AMPD3: variants seen among roughly 807,000 people sequenced by gnomAD.
AMPD3 encodes AMP deaminase 3.
In AMPD3, 57 loss-of-function variants were observed where a neutral mutation model predicts 82.3. That is an observed-to-expected ratio of 0.69 (90% CI 0.56 to 0.86). The LOEUF (loss-of-function observed/expected upper bound fraction) is 0.86, where lower values mean the gene tolerates loss of function less well. AMPD3 is among the 40% of genes least tolerant of loss of function. AMPD3 has a pLI of 0.00. For synonymous variants in AMPD3, 381 were observed against 394.7 expected (o/e 0.97, Z 0.41); for missense variants, 870 against 1,003.8 (o/e 0.87, Z 1.80).
chr11:10,469,162 T>C (rs1018717999), intron 2 of AMPD3, among the ~76,000 whole-genome samples: 9 of 149,594 alleles, frequency 6.0e-5, no homozygotes, highest in African/African-American at 2.2e-4. Flanking sequence ...CCGAAGGAGA[T>C]AGAGACATGA....
At chr11:10,455,098 G>A (rs1848054394), upstream of AMPD3, 1 of 978,850 alleles carries the variant, frequency 1.0e-6, no homozygotes, top group South Asian at 4.7e-5. Flanking sequence ...CCCAAGTCAG[G>A]GTTACAGCTA....
chr11:10,472,574 T>C (rs545008093), intron 2 of AMPD3, among the ~76,000 whole-genome samples: 61 of 152,354 alleles, frequency 4.0e-4, no homozygotes, highest in African/African-American at 1.5e-3. Context: ...GAATTGAGCA[T>C]AGCACAGCTA....
rs760919637 is a variant in AMPD3, at chr11:10,477,006, G to A, written c.222-1520G>A. 12 of 985,472 alleles carry A rather than the reference G, an allele frequency of 1.2e-5. No individual in the cohort carries two copies. In the South Asian group the frequency reaches 5.2e-4, roughly 42 times the overall value. The allele number at this position is 985,472 out of a possible 1,614,324, so 61.0% of individuals were successfully genotyped here. On this transcript the variant is annotated intron_variant, in intron 2 of 14. Coordinates refer to ENST00000396553, the MANE Select transcript of AMPD3 (RefSeq NM_001025389.2). ...CAGGTTAAAATAGCCTTGTCCCAAA[G>A]ATGTGATAACACAGGGTAGGCAGGT...
rs910400453 is a variant in AMPD3 at position 10,497,032 on chromosome 11, G to A, written c.1557+94G>A. 2.0e-5 allele frequency: 30 copies of A among 1,502,782 alleles called. No homozygotes were observed. The Middle Eastern group carries it at 5.1e-4, about 26-fold the overall frequency. The allele number at this position is 1,502,782 out of a possible 1,614,324, so 93.1% of individuals were successfully genotyped here. ...GGTCAGGCTTGCTCCTGCCCTTCAC[G>A]ATGGTATCTTAGGTCCTGCCACCTG... On this transcript the variant is annotated intron_variant, in intron 10 of 14. Transcript: ENST00000396553.
intron 11 of AMPD3, chr11:10,500,772 A>G: frequency 1.0e-6 from 1 of 985,470 alleles, no homozygotes; most frequent in Non-Finnish European, 1.2e-6. Context: ...GCATGCCCTT[A>G]CAGGCAGAGG....
At chr11:10,458,485 C>T (rs1052785906) in intron 1 of AMPD3, among the ~76,000 whole-genome samples, 1 of 151,992 alleles carries the variant, frequency 6.6e-6, no homozygotes, top group African/African-American at 2.4e-5. Context: ...ATAAAATATC[C>T]TCTCACACAC....
rs747255749 is a variant in AMPD3 at position 10,501,476 on chromosome 11, CG to C, written c.1730del (p.Gly577AlafsTer2). On this transcript the variant is annotated frameshift_variant, in exon 12 of 15. Coordinates refer to ENST00000396553, the MANE Select transcript of AMPD3 (RefSeq NM_001025389.2). LOFTEE classifies it high-confidence loss of function. ...GAAACCCCTTCTCTTACAGGGAGCG[CG>C]GCCTGAGCACGTTCCTGTTCCGGCC... is the stretch of plus-strand genomic sequence containing the variant. Reference protein sequence around the residue: ...MVLNNLRRERGLSTFLFRPHC... With the variant: ...MVLNNLRRERXLSTFLFRPHC... 9 of 1,613,890 alleles carry C rather than the reference CG, an allele frequency of 5.6e-6. No individual in the cohort carries two copies. In the Admixed American group the frequency reaches 8.3e-5, roughly 15 times the overall value.
chr11:10,471,838 C>T (rs941591785), intron 2 of AMPD3, among the ~76,000 whole-genome samples: 2 of 152,218 alleles, frequency 1.3e-5, no homozygotes, highest in Non-Finnish European at 2.9e-5. Flanking sequence ...AATGCTTTTA[C>T]ACTGTTGGTG....
intron 2 of AMPD3, among the ~76,000 whole-genome samples, chr11:10,471,314 T>C (rs1455663654): frequency 2.6e-5 from 4 of 152,164 alleles, no homozygotes; most frequent in Non-Finnish European, 5.9e-5. Context: ...TAACTCAAGA[T>C]GGATTAAAGA....
At chr11:10,467,342 A>G (rs1320216559) in intron 2 of AMPD3, among the ~76,000 whole-genome samples, 3 of 152,244 alleles carry the variant, frequency 2.0e-5, no homozygotes, top group Non-Finnish European at 4.4e-5. Context: ...TGGAGCAGAA[A>G]AACACAGCAC....
intron 2 of AMPD3, chr11:10,473,716 T>G (rs1384975861): frequency 1.6e-6 from 1 of 613,226 alleles, no homozygotes; most frequent in Non-Finnish European, 2.0e-6. Flanking sequence ...GGCTGGGACC[T>G]CTGGTCTCAA....
At chr11:10,500,837 G>A in intron 11 of AMPD3, 1 of 985,414 alleles carries the variant, frequency 1.0e-6, no homozygotes, top group Non-Finnish European at 1.2e-6. Flanking sequence ...TAGCTGCCCA[G>A]GGCAGCAGGA....
rs1237350656 is a variant in AMPD3 at position 10,502,909 on chromosome 11, G to T, written c.2016+15G>T. The T allele has an allele frequency of 1.9e-6, 3 of 1,613,674 alleles. No individual in the cohort carries two copies. Among genetic ancestry groups the T allele is most frequent in the Middle Eastern group, 1.6e-4 (1 of 6,076 alleles). On this transcript the variant is annotated intron_variant, in intron 13 of 14. Coordinates refer to ENST00000396553, the MANE Select transcript of AMPD3 (RefSeq NM_001025389.2). ...ACTACACGAAGGTAAGGACTTTGGG[G>T]TGAGGACAGTAGTGCTTCAGTAGGC...
intron 6 of AMPD3, chr11:10,488,083 A>C (rs1849128911): frequency 2.8e-6 from 1 of 361,664 alleles, no homozygotes; most frequent in South Asian, 1.1e-4. Context: ...GGATTTAAAG[A>C]AAAGCCTCTG....
rs201661559 is a variant in AMPD3 at position 10,461,437 on chromosome 11, C to T, written c.-5-78C>T. On this transcript the variant is annotated intron_variant, in intron 1 of 14. Coordinates refer to ENST00000396553, the MANE Select transcript of AMPD3 (RefSeq NM_001025389.2). ...CCCCAAGTACCAGGTGGGCCTGGCC[C>T]TCACTTCAGTGCCTTCTCTTCCCCG... 1.2e-3 allele frequency: 1,856 copies of T among 1,609,448 alleles called. 6 individuals carry two copies. Among genetic ancestry groups the T allele is most frequent in the Non-Finnish European group, 1.4e-3 (1,668 of 1,179,822 alleles).
intron 6 of AMPD3, among the ~76,000 whole-genome samples, chr11:10,492,569 C>T (rs1175966689): frequency 1.3e-5 from 2 of 152,116 alleles, no homozygotes; most frequent in Non-Finnish European, 2.9e-5. Flanking sequence ...GAGAACCTGT[C>T]GTACCTGTTA....
intron 2 of AMPD3, chr11:10,473,572 T>A: frequency 1.0e-6 from 1 of 985,272 alleles, no homozygotes; most frequent in Non-Finnish European, 1.2e-6. Flanking sequence ...AGTGTTAGAA[T>A]CAAAGTTACA....
At chr11:10,477,378 G>A (rs1355927935) in intron 2 of AMPD3, among the ~76,000 whole-genome samples, 1 of 152,210 alleles carries the variant, frequency 6.6e-6, no homozygotes, top group South Asian at 2.1e-4. Flanking sequence ...GGATGGCACC[G>A]TGGGGAGGCC....
Position 10,455,338 on chromosome 11 carries a change from A to C in AMPD3, c.-116A>C, listed in dbSNP as rs891567072. On this transcript the variant is annotated 5_prime_UTR_variant, in exon 1 of 15. Transcript: ENST00000396553. The stretch of plus-strand genomic sequence containing the variant: ...ATTTTAATCAACCCTGCTTGGTTTT[A>C]GAGGATTGCTCCTGTGGGTCACTTG... The C allele has an allele frequency of 2.9e-5, 29 of 985,298 alleles. No individual in the cohort carries two copies. Among genetic ancestry groups the C allele is most frequent in the Non-Finnish European group, 3.4e-5 (28 of 829,998 alleles). The allele number at this position is 985,298 out of a possible 1,614,324, so 61.0% of individuals were successfully genotyped here.
Sources: allele counts gnomAD v4.1 joint callset (sites outside exome capture counted in the v4.1 genomes callset), GRCh38; gene constraint gnomAD v4.1.1; transcripts MANE v1.5; gene names NCBI Gene and HGNC (gene_info 2026-07-23, HGNC 2026-07-21).